Variants in STXBP5L observed in about 807,000 individuals in gnomAD.
STXBP5L encodes the protein syntaxin-binding protein 5-like.
STXBP5L carries 65 observed loss-of-function variants against 144.5 expected under a neutral mutation model. That is an observed-to-expected ratio of 0.45 (90% CI 0.37 to 0.55). The LOEUF is 0.55. STXBP5L is among the 20% of genes least tolerant of loss of function. The probability of loss-of-function intolerance (pLI) is 0.00; values close to 1 mark genes in which losing one functional copy is unlikely to be tolerated. For synonymous variants in STXBP5L, 505 were observed against 469.6 expected, an observed-to-expected ratio of 1.08 and a Z score of -0.97; for missense variants, 1,298 against 1,405.5, an observed-to-expected ratio of 0.92 and a Z score of 1.22.
chr3:121,102,110 C>T (rs573929437), intron 5 of STXBP5L, among the ~76,000 whole-genome samples: 1 of 152,010 alleles, frequency 6.6e-6, no homozygotes, highest in South Asian at 2.1e-4. Flanking sequence ...ATTGGAAGAA[C>T]AATATTGTTA....
At chr3:120,932,902 A>G (rs1156882908) in intron 2 of STXBP5L, among the ~76,000 whole-genome samples, 2 of 152,070 alleles carry the variant, frequency 1.3e-5, no homozygotes, top group Admixed American at 6.5e-5. Context: ...TTGTAGGGAC[A>G]TGGATGAAGC....
chr3:120,993,927 G>A (rs1467841612), intron 3 of STXBP5L, among the ~76,000 whole-genome samples: 1 of 152,094 alleles, frequency 6.6e-6, no homozygotes, highest in African/African-American at 2.4e-5. Flanking sequence ...TCCAATTCAT[G>A]AGCATGGGAT....
At chr3:121,209,277 A>T (rs1286894334) in intron 10 of STXBP5L, among the ~76,000 whole-genome samples, 1 of 152,046 alleles carries the variant, frequency 6.6e-6, no homozygotes, top group African/African-American at 2.4e-5. Context: ...AATCCTTTGG[A>T]TACATAACCA....
chr3:120,956,153 C>A (rs1374979510), intron 3 of STXBP5L, among the ~76,000 whole-genome samples: 2 of 151,654 alleles, frequency 1.3e-5, no homozygotes, highest in African/African-American at 4.8e-5. Flanking sequence ...GTGTAAATGC[C>A]CAGGAGTACA....
chr3:121,311,791 C>T (rs1221947264), intron 19 of STXBP5L, among the ~76,000 whole-genome samples: 1 of 152,138 alleles, frequency 6.6e-6, no homozygotes, highest in Non-Finnish European at 1.5e-5. Flanking sequence ...AGATTCAATG[C>T]CATCCCCATC....
intron 10 of STXBP5L, among the ~76,000 whole-genome samples, chr3:121,221,518 A>G (rs2048973123): frequency 1.3e-5 from 2 of 151,656 alleles, no homozygotes; most frequent in South Asian, 2.1e-4. Context: ...CATTCTCTTA[A>G]GTCGTGGCCT....
chr3:121,270,005 A>G (rs756965571), intron 18 of STXBP5L, among the ~76,000 whole-genome samples: 31 of 152,180 alleles, frequency 2.0e-4, no homozygotes, highest in Admixed American at 1.1e-3. Flanking sequence ...TAAATTGCAT[A>G]TCTCACGTTT....
Position 121,045,438 on chromosome 3 carries a change from G to T in STXBP5L, c.373G>T (p.Ala125Ser), listed in dbSNP as rs747930759. ...CTTTATCTTCTTTTTGTTCTAGGGT[G>T]CCTTGGTCAGTGCAAGTTCAGATGA... ...LQLQFLINEG[A>S]LVSASSDDTL... Residue 125 changes from alanine to serine, a missense_variant, in exon 5 of 27, where the codon GCC (alanine) becomes TCC (serine). Physicochemically the swap from Ala to Ser is moderately conservative, Grantham distance 99. Transcript: ENST00000471454. 1.2e-6 allele frequency: 2 copies of T among 1,608,484 alleles called. No individual in the cohort carries two copies. Among genetic ancestry groups the T allele is most frequent in the South Asian group, 1.1e-5 (1 of 89,494 alleles).
At chr3:121,220,201 T>C (rs2048932178) in intron 10 of STXBP5L, among the ~76,000 whole-genome samples, 1 of 152,128 alleles carries the variant, frequency 6.6e-6, no homozygotes, top group African/African-American at 2.4e-5. Flanking sequence ...TTTTGGAGAC[T>C]GTTACATATA....
chr3:121,147,396 A>G (rs984040085), intron 7 of STXBP5L, among the ~76,000 whole-genome samples: 1 of 152,132 alleles, frequency 6.6e-6, no homozygotes, highest in Non-Finnish European at 1.5e-5. Context: ...TAAAAATTAG[A>G]ATATATTTTA....
At chr3:121,012,626 C>G (rs1011485941) in intron 3 of STXBP5L, among the ~76,000 whole-genome samples, 1 of 151,508 alleles carries the variant, frequency 6.6e-6, no homozygotes, top group Admixed American at 6.6e-5. Flanking sequence ...TGTATATTTC[C>G]TTTAGAGAAA....
chr3:121,266,726 C>G (rs1265632302), intron 18 of STXBP5L, among the ~76,000 whole-genome samples: 3 of 152,136 alleles, frequency 2.0e-5, no homozygotes, highest in Non-Finnish European at 4.4e-5. Flanking sequence ...ATTTAGAAAA[C>G]CCTATCGTCT....
At chr3:120,928,825 A>AT (rs1193024430) in intron 2 of STXBP5L, among the ~76,000 whole-genome samples, 2 of 151,942 alleles carry the variant, frequency 1.3e-5, no homozygotes, top group African/African-American at 2.4e-5. Flanking sequence ...ATGATTATTG[A>AT]TTTTTTTGGG....
chr3:121,204,878 A>C (rs2048277771), intron 9 of STXBP5L, among the ~76,000 whole-genome samples: 1 of 152,130 alleles, frequency 6.6e-6, no homozygotes. Flanking sequence ...TTGATCCTTT[A>C]TTCAAAATCT....
At chr3:121,102,392 C>T (rs1576962584) in intron 5 of STXBP5L, among the ~76,000 whole-genome samples, 1 of 152,096 alleles carries the variant, frequency 6.6e-6, no homozygotes, top group Middle Eastern at 3.4e-3. Flanking sequence ...GAATAGAGAA[C>T]CCAGAAATAA....
chr3:121,370,980 CTATCCA>C (rs1553779444), intron 20 of STXBP5L, among the ~76,000 whole-genome samples: 1 of 152,174 alleles, frequency 6.6e-6, no homozygotes, highest in Non-Finnish European at 1.5e-5. Context: ...ATCTTCATTC[CTATCCA>C]TATTCTGAAT....
intron 5 of STXBP5L, among the ~76,000 whole-genome samples, chr3:121,054,032 C>T (rs1396199567): frequency 1.3e-5 from 2 of 152,070 alleles, no homozygotes; most frequent in Admixed American, 6.5e-5. Flanking sequence ...AAATCAAAAC[C>T]ACAATGAGAT....
At chr3:121,017,068 G>A (rs1945193363) in intron 3 of STXBP5L, among the ~76,000 whole-genome samples, 1 of 151,926 alleles carries the variant, frequency 6.6e-6, no homozygotes, top group Non-Finnish European at 1.5e-5. Context: ...ATCCAACAAT[G>A]TACAAAAAGA....
chr3:121,351,102 G>A (rs1163418557), intron 20 of STXBP5L, among the ~76,000 whole-genome samples: 1 of 152,048 alleles, frequency 6.6e-6, no homozygotes, highest in African/African-American at 2.4e-5. Context: ...ATCAACCTTT[G>A]GTCTTTGATG....
Sources: allele counts gnomAD v4.1 joint callset (sites outside exome capture counted in the v4.1 genomes callset), GRCh38; gene constraint gnomAD v4.1.1; transcripts MANE v1.5; gene names NCBI Gene and HGNC (gene_info 2026-07-23, HGNC 2026-07-21).